SERPINA3: variants seen among roughly 807,000 people sequenced by gnomAD.
SERPINA3 encodes alpha-1-antichymotrypsin.
SERPINA3 carries 32 observed loss-of-function variants against 26.8 expected under a neutral mutation model. That is an observed-to-expected ratio of 1.20 (90% CI 0.90 to 1.61). SERPINA3 has a LOEUF of 1.61. Ranked by LOEUF, SERPINA3 falls within the 40% of genes most tolerant of loss-of-function variation. The pLI, the probability that SERPINA3 is intolerant of heterozygous loss-of-function variation, is 0.00. For missense variants in SERPINA3, 632 were observed against 517.9 expected (o/e 1.22, Z -2.14); for synonymous variants, 252 against 206.4 (o/e 1.22, Z -1.89).
At chr14:94,617,009 C>G (rs1048809878) in intron 2 of SERPINA3, among the ~76,000 whole-genome samples, 14 of 152,268 alleles carry the variant, frequency 9.2e-5, no homozygotes, top group Admixed American at 3.9e-4. Flanking sequence ...TTCTGGCATA[C>G]AAGGCAGCAG....
intron 1 of SERPINA3, 131 bp from the exon 2 acceptor site, chr14:94,614,303 A>G (rs1885893822): frequency 2.3e-6 from 2 of 859,010 alleles, no homozygotes; most frequent in Non-Finnish European, 1.9e-6. Context: ...GAGAGCACCT[A>G]CCTGAGGGAG....
rs774434380 is a variant in SERPINA3, at chr14:94,619,205, G to C, written c.654G>C (p.Glu218Asp). ...TTGCTCCACCTTCAGCCAAATGGGA[G>C]ATGCCCTTTGACCCCCAAGATACTC... ...VNYIFFKAKWEMPFDPQDTHQ... is the reference protein window; with the variant it reads ...VNYIFFKAKWDMPFDPQDTHQ... The change falls in exon 3 of 5, where the codon GAG (glutamate) becomes GAC (aspartate). Residue 218 changes from glutamate to aspartate, a missense_variant. By Grantham distance (45) the Glu-to-Asp change is conservative. Transcript: ENST00000393078. The C allele has an allele frequency of 6.2e-7, 1 of 1,613,740 alleles. No individual in the cohort carries two copies. The highest frequency in any genetic ancestry group is 1.1e-5 in the South Asian group (1 of 91,078).
intron 2 of SERPINA3, chr14:94,617,708 TTG>T (rs1886052423): frequency 6.6e-6 from 1 of 152,178 alleles, no homozygotes; most frequent in South Asian, 2.1e-4. Context: ...GTAAAGCCGT[TTG>T]TGACTTTATG....
chr14:94,623,936 G>C lies in SERPINA3; in HGVS notation c.*122G>C, dbSNP rs1382292652. On this transcript the variant is annotated 3_prime_UTR_variant, in exon 5 of 5. Coordinates refer to ENST00000393078, the MANE Select transcript of SERPINA3 (RefSeq NM_001085.5). ...GGCCATGGCATGTGTGGCCCTGTCT[G>C]CTTATCCTTGGAAGGTGACAGCGAT... The C allele has an allele frequency of 2.3e-6, 2 of 858,134 alleles. No homozygotes were observed. Among genetic ancestry groups the C allele is most frequent in the African/African-American group, 3.3e-5 (2 of 60,676 alleles). 53.2% of individuals were successfully genotyped at this position (858,134 alleles called of 1,614,324 possible).
intron 3 of SERPINA3, 79 bp downstream of exon 3, chr14:94,619,547 G>T: frequency 6.4e-7 from 1 of 1,567,416 alleles, no homozygotes; most frequent in South Asian, 1.1e-5. Context: ...AGGGCATGGT[G>T]GTGGGAGAAC....
chr14:94,614,561 C>G lies in SERPINA3; in HGVS notation c.120C>G (p.Asp40Glu), dbSNP rs1368905402. ...DEENLTQENQ[D>E]RGTHVDLGLA... ...AGAATCTGACCCAGGAGAACCAAGA[C>G]CGAGGGACACACGTGGACCTCGGAT... Residue 40 changes from aspartate to glutamate, a missense_variant, in exon 2 of 5, where the codon GAC becomes GAG. Transcript: ENST00000393078. 54 of 1,614,038 alleles carry G rather than the reference C, an allele frequency of 3.3e-5. No homozygotes were observed. The highest frequency in any genetic ancestry group is 4.4e-5 in the Non-Finnish European group (52 of 1,180,028).
intron 2 of SERPINA3, chr14:94,617,660 T>A (rs1321875192): frequency 6.6e-6 from 1 of 152,200 alleles, no homozygotes; most frequent in Admixed American, 6.5e-5. Context: ...CTGGGCCCAT[T>A]TGAAAATTCC....
intron 4 of SERPINA3, chr14:94,622,790 C>T (rs1474258847): frequency 2.3e-6 from 1 of 442,272 alleles, no homozygotes. Context: ...TTAAAGTCCT[C>T]CACCCCCAGC....
intron 2 of SERPINA3, among the ~76,000 whole-genome samples, chr14:94,616,574 A>G (rs961730496): frequency 6.6e-6 from 1 of 152,072 alleles, no homozygotes; most frequent in African/African-American, 2.4e-5. Context: ...CATTGCACCC[A>G]CTGGACCCAA....
At chr14:94,613,245 C>T (rs367549567) in intron 1 of SERPINA3, 1 of 150,100 alleles carries the variant, frequency 6.7e-6, no homozygotes, top group African/African-American at 2.5e-5. Context: ...CCCTTTTCTT[C>T]TCCTCTCTCT....
At chr14:94,618,287 G>A (rs1348618709) in intron 2 of SERPINA3, 1 of 151,920 alleles carries the variant, frequency 6.6e-6, no homozygotes, top group East Asian at 1.9e-4. Flanking sequence ...TGGTAAATAG[G>A]CCTTTAGTGA....
intron 1 of SERPINA3, among the ~76,000 whole-genome samples, chr14:94,613,015 A>G (rs1240245262): frequency 6.6e-6 from 1 of 152,214 alleles, no homozygotes; most frequent in Non-Finnish European, 1.5e-5. Flanking sequence ...AGAAAAGACA[A>G]GCCTTTGCCC....
At chr14:94,617,290 G>A (rs1886039233) in intron 2 of SERPINA3, among the ~76,000 whole-genome samples, 1 of 152,158 alleles carries the variant, frequency 6.6e-6, no homozygotes, top group Non-Finnish European at 1.5e-5. Context: ...TCCATGTTGG[G>A]AGGCTGCAGG....
intron 3 of SERPINA3, chr14:94,619,672 T>A: frequency 3.2e-6 from 2 of 630,606 alleles, no homozygotes; most frequent in Non-Finnish European, 5.6e-6. Context: ...GACAAGGGGC[T>A]GAGGCTTCCT....
Position 94,623,696 on chromosome 14 carries a change from C to T in SERPINA3, c.1154C>T (p.Ala385Val). 6.2e-7 allele frequency: 1 copy of T among 1,614,150 alleles called. No individual in the cohort carries two copies. The highest frequency in any genetic ancestry group is 8.5e-7 in the Non-Finnish European group (1 of 1,180,004). ...ATAVKITLLSALVETRTIVRF... is the reference protein window; with the variant it reads ...ATAVKITLLSVLVETRTIVRF... ...GCAGTCAAAATCACCCTCCTTTCTG[C>T]ATTAGTGGAGACAAGGACCATTGTG... Residue 385 changes from alanine (A) to valine (V), a missense_variant, in exon 5 of 5, where the codon GCA becomes GTA. Ala to Val is a moderately conservative substitution (Grantham distance 64). Transcript: ENST00000393078.
chr14:94,614,042 A>T lies in SERPINA3; in HGVS notation c.-8-392A>T, dbSNP rs549123298. The T allele has an allele frequency of 1.7e-5, 4 of 232,368 alleles. No homozygotes were observed. The South Asian group carries it at 2.7e-4, about 16-fold the overall frequency. 14.4% of individuals were successfully genotyped at this position (232,368 alleles called of 1,614,324 possible). A position where few individuals can be genotyped will look rare whatever the true frequency, so the allele number is the denominator to read the frequency against. ...CTGCTTTCTAATCCCCTAGGATGAG[A>T]TCTGCTCACCAAGCAGGAGAGGAGC... On this transcript the variant is annotated intron_variant, in intron 1 of 4. Transcript: ENST00000393078.
rs765633245 is a variant in SERPINA3 at position 94,614,817 on chromosome 14, C to T, written c.376C>T (p.Leu126Phe). Residue 126 changes from leucine to phenylalanine, a missense_variant, in exon 2 of 5, where the codon CTC (leucine) becomes TTC (phenylalanine). By Grantham distance (22) the Leu-to-Phe change is conservative. Coordinates refer to ENST00000393078, the MANE Select transcript of SERPINA3 (RefSeq NM_001085.5). ...HQSFQHLLRT[L>F]NQSSDELQLS... ...GAGCTTCCAGCACCTCCTGCGCACC[C>T]TCAATCAGTCCAGCGATGAGCTGCA... 1 of 1,614,220 alleles carries T rather than the reference C, an allele frequency of 6.2e-7. No individual in the cohort carries two copies. The highest frequency in any genetic ancestry group is 8.5e-7 in the Non-Finnish European group (1 of 1,180,036).
At chr14:94,620,782 G>A (rs150667059) in intron 3 of SERPINA3, among the ~76,000 whole-genome samples, 129 of 152,310 alleles carry the variant, frequency 8.5e-4, no homozygotes, top group East Asian at 8.1e-3. Flanking sequence ...ATTTCATGGG[G>A]ACACAGTGAG....
At position 94,614,585 on chromosome 14, in the gene SERPINA3, A is replaced by G; in HGVS notation, c.144A>G (p.Gly48=). The part of the protein sequence containing the change: ...NQDRGTHVDL[G]LASANVDFAF... The stretch of plus-strand genomic sequence containing the variant: ...ACCGAGGGACACACGTGGACCTCGG[A>G]TTAGCCTCCGCCAACGTGGACTTCG... The change falls in exon 2 of 5, where the codon GGA becomes GGG. Residue 48 remains glycine, a synonymous_variant. Coordinates refer to ENST00000393078, the MANE Select transcript of SERPINA3 (RefSeq NM_001085.5). 6.2e-7 allele frequency: 1 copy of G among 1,614,170 alleles called. No individual in the cohort carries two copies. Among genetic ancestry groups the G allele is most frequent in the South Asian group, 1.1e-5 (1 of 91,078 alleles).
Sources: gnomAD v4.1 joint callset for allele counts (sites outside exome capture counted in the v4.1 genomes callset) on GRCh38, gnomAD v4.1.1 for gene constraint, MANE v1.5 for transcripts, NCBI Gene and HGNC (gene_info 2026-07-23, HGNC 2026-07-21) for gene names.